The following EEF1G variants were observed in gnomAD, a reference collection of about 807,000 sequenced individuals.
EEF1G encodes elongation factor 1-gamma.
In EEF1G, 14 loss-of-function variants were observed where a neutral mutation model predicts 58.3. That is an observed-to-expected ratio of 0.24 (90% CI 0.16 to 0.38). The LOEUF is 0.38. Ranked by LOEUF, EEF1G falls within the 10% of genes least tolerant of loss-of-function variation. The pLI, the probability that EEF1G is intolerant of heterozygous loss-of-function variation, is 1.00. For synonymous variants in EEF1G, 180 were observed against 206.8 expected (o/e 0.87, Z 1.11); for missense variants, 322 against 550.1 (o/e 0.59, Z 4.15).
chr11:62,573,676 G>A (rs184985530), intron 1 of EEF1G, 155 bp downstream of exon 1: 28 of 1,091,220 alleles, frequency 2.6e-5, no homozygotes, highest in African/African-American at 2.3e-4. Context: ...TTCCCCTCCA[G>A]GCCCTAGGAA....
rs752370840 is a variant in EEF1G at position 62,560,063 on chromosome 11, C to T, written c.1155+6G>A. On this transcript the variant is annotated splice_donor_region_variant and intron_variant, in intron 9 of 9. Transcript: ENST00000329251. ...TAAAGAGACTCCTCTCCTCCACCTT[C>T]CTCACCGGAAAGGCAAGCTCCTGGC... 3.1e-6 allele frequency: 5 copies of T among 1,613,878 alleles called. No homozygotes were observed. The African/African-American group carries it at 6.7e-5, about 22-fold the overall frequency.
rs757383717 is a variant in EEF1G, at chr11:62,571,906, G to A, written c.172-5C>T. 5 of 1,571,984 alleles carry A rather than the reference G, an allele frequency of 3.2e-6. No individual in the cohort carries two copies. Among genetic ancestry groups the A allele is most frequent in the South Asian group, 2.3e-5 (2 of 85,256 alleles). On this transcript the variant is annotated splice_region_variant and splice_polypyrimidine_tract_variant and intron_variant, in intron 2 of 9. Coordinates refer to ENST00000329251, the MANE Select transcript of EEF1G (RefSeq NM_001404.5). ...ATCACCCTCAAATGCTGGGACCTGG[G>A]GACAAAGCAGTGAAAAGATAAGGTA... is the stretch of plus-strand genomic sequence containing the variant.
At chr11:62,566,681 A>C (rs1214820770) in intron 7 of EEF1G, 125 bp downstream of exon 7, 2 of 942,678 alleles carry the variant, frequency 2.1e-6, no homozygotes, top group Admixed American at 5.9e-5. Context: ...TTTGCAACTA[A>C]AATATACCTT....
At chr11:62,567,578 G>A (rs1941571920) in intron 5 of EEF1G, 50 bp from the exon 6 acceptor site, 1 of 1,506,816 alleles carries the variant, frequency 6.6e-7, no homozygotes, top group Non-Finnish European at 8.9e-7. Flanking sequence ...GCCCTGAAGA[G>A]TTCTGTTCAC....
At chr11:62,569,522 T>C (rs1027365993) in intron 5 of EEF1G, among the ~76,000 whole-genome samples, 4 of 152,334 alleles carry the variant, frequency 2.6e-5, no homozygotes, top group African/African-American at 7.2e-5. Flanking sequence ...AAATTAAACT[T>C]AGTGTCTGGT....
At chr11:62,572,387 T>A (rs1262230181) in intron 2 of EEF1G, among the ~76,000 whole-genome samples, 197 bp downstream of exon 2, 1 of 152,238 alleles carries the variant, frequency 6.6e-6, no homozygotes, top group East Asian at 1.9e-4. Flanking sequence ...TCGTGAATTT[T>A]ATAAAGTCAC....
In EEF1G at chr11:62,566,152, G is replaced by A. The variant is rs1273507904; in HGVS notation, c.857+654C>T. Among the ~76,000 whole-genome samples the A allele has an allele frequency of 3.3e-5, 5 of 152,086 alleles. No individual in the cohort carries two copies. The South Asian group carries it at 1.0e-3, about 32-fold the overall frequency. On this transcript the variant is annotated intron_variant, in intron 7 of 9. Transcript: ENST00000329251. ...CCAGAGAACTGGGCAAGCACTCAGC[G>A]TCCTACATTTTTCATGCCAAAAATC... is the stretch of plus-strand genomic sequence containing the variant.
At chr11:62,572,428 C>T (rs1352430297) in intron 2 of EEF1G, among the ~76,000 whole-genome samples, 156 bp downstream of exon 2, 1 of 152,106 alleles carries the variant, frequency 6.6e-6, no homozygotes, top group African/African-American at 2.4e-5. Context: ...TTCACAACTA[C>T]ATGTAAATCT....
chr11:62,568,552 C>CT (rs999402311), intron 5 of EEF1G, among the ~76,000 whole-genome samples: 4 of 151,810 alleles, frequency 2.6e-5, no homozygotes, highest in Non-Finnish European at 4.4e-5. Flanking sequence ...TTTTTCTAAT[C>CT]TTTTTTTTCA....
rs1189463096 is a variant in EEF1G at position 62,559,661 on chromosome 11, G to C, written c.*18C>G. ...CCTGAAGGGCAGGTGCAGGCAGCTAGGTGATGGCAAGAGATGTTCACTTGA... is the reference window on the plus strand; with the variant it reads ...CCTGAAGGGCAGGTGCAGGCAGCTACGTGATGGCAAGAGATGTTCACTTGA... On this transcript the variant is annotated 3_prime_UTR_variant, in exon 10 of 10. Coordinates refer to ENST00000329251, the MANE Select transcript of EEF1G (RefSeq NM_001404.5). 4 of 1,613,198 alleles carry C rather than the reference G, an allele frequency of 2.5e-6. No individual in the cohort carries two copies. Among genetic ancestry groups the C allele is most frequent in the Non-Finnish European group, 2.5e-6 (3 of 1,179,384 alleles).
chr11:62,569,941 T>C lies in EEF1G; in HGVS notation c.522+1024A>G, dbSNP rs557476933. On this transcript the variant is annotated intron_variant, in intron 5 of 9. Coordinates refer to ENST00000329251, the MANE Select transcript of EEF1G (RefSeq NM_001404.5). ...AGTGATTATTACTACCCTGATTTTA[T>C]AGATTGCAAAGAGTAAAAAACAGGA... 3.3e-5 allele frequency among the ~76,000 whole-genome samples: 5 copies of C among 152,278 alleles called. No individual in the cohort carries two copies. In the South Asian group the frequency reaches 6.2e-4, roughly 19 times the overall value.
At chr11:62,572,522 T>C in intron 2 of EEF1G, 62 bp downstream of exon 2, 1 of 1,594,316 alleles carries the variant, frequency 6.3e-7, no homozygotes, top group Non-Finnish European at 8.6e-7. Context: ...ACCACCAGAG[T>C]GACAGAATCG....
rs1377668863 is a variant in EEF1G at position 62,573,771 on chromosome 11, A to C, written c.12+60T>G. The C allele has an allele frequency of 2.5e-6, 4 of 1,612,214 alleles. No individual in the cohort carries two copies. In the African/African-American group the frequency reaches 4.0e-5, roughly 16 times the overall value. On this transcript the variant is annotated intron_variant, in intron 1 of 9. Transcript: ENST00000329251. ...AACTCCTCTGGCGCCGACTGGCCCC[A>C]CTCGGGCAAAGGATGGCGGTGGATA...
Position 62,567,502 on chromosome 11 carries a change from G to T in EEF1G, c.549C>A (p.Ala183=). Residue 183 remains alanine (A), a synonymous_variant, in exon 6 of 10, where the codon GCC becomes GCA. Coordinates refer to ENST00000329251, the MANE Select transcript of EEF1G (RefSeq NM_001404.5). ...GGAACCAGCGGTTGGTATTGGGAAA[G>T]GCCTGGCGGAAAGAAGGCTCTAGAA... ...KQVLEPSFRQ[A]FPNTNRWFLT... 1 of 1,610,172 alleles carries T rather than the reference G, an allele frequency of 6.2e-7. No homozygotes were observed. The highest frequency in any genetic ancestry group is 2.2e-5 in the East Asian group (1 of 44,796).
rs182439249 is a variant in EEF1G at position 62,570,379 on chromosome 11, T to G, written c.522+586A>C. Reference sequence around the variant, plus strand: ...GCCTGGCCTGCCTCCAAAAAGATCTTAATGCTGAAGCTACCATCATCACCT... The same window carrying G: ...GCCTGGCCTGCCTCCAAAAAGATCTGAATGCTGAAGCTACCATCATCACCT... On this transcript the variant is annotated intron_variant, in intron 5 of 9. Coordinates refer to ENST00000329251, the MANE Select transcript of EEF1G (RefSeq NM_001404.5). 2.0e-5 allele frequency among the ~76,000 whole-genome samples: 3 copies of G among 152,254 alleles called. No homozygotes were observed. In the East Asian group the frequency reaches 5.8e-4, roughly 29 times the overall value.
chr11:62,564,357 G>C (rs1941530922), intron 7 of EEF1G, among the ~76,000 whole-genome samples: 1 of 150,746 alleles, frequency 6.6e-6, no homozygotes, highest in African/African-American at 2.4e-5. Flanking sequence ...CCAGCTACTC[G>C]GGAGGCTGAG....
Position 62,571,642 on chromosome 11 carries a change from T to A in EEF1G, c.276A>T (p.Ala92=), listed in dbSNP as rs753548525. The A allele has an allele frequency of 1.3e-6, 2 of 1,586,672 alleles. No homozygotes were observed. The highest frequency in any genetic ancestry group is 1.7e-6 in the Non-Finnish European group (2 of 1,166,720). ...AGCTCACCCACTGCACCACCTGGGC[T>A]GCTGCCTCTGGAGTACTTCCCCGCA... ...EELRGSTPEA[A]AQVVQWVSFA... Residue 92 remains alanine, a synonymous_variant, in exon 4 of 10, where the codon GCA becomes GCT. Coordinates refer to ENST00000329251, the MANE Select transcript of EEF1G (RefSeq NM_001404.5).
At chr11:62,572,006 T>G in intron 2 of EEF1G, 105 bp from the exon 3 acceptor site, 1 of 968,612 alleles carries the variant, frequency 1.0e-6, no homozygotes, top group Non-Finnish European at 1.6e-6. Context: ...GGCTGATGAT[T>G]CTCACTATCC....
At chr11:62,571,157 C>T (rs888592213) in intron 4 of EEF1G, 49 bp from the exon 5 acceptor site, 50 of 1,612,422 alleles carry the variant, frequency 3.1e-5, no homozygotes, top group Non-Finnish European at 4.2e-5. Flanking sequence ...AATCCCTTTC[C>T]CTCACCTCCC....
Sources: gnomAD v4.1 joint callset for allele counts (sites outside exome capture counted in the v4.1 genomes callset) on GRCh38, gnomAD v4.1.1 for gene constraint, MANE v1.5 for transcripts, NCBI Gene and HGNC (gene_info 2026-07-23, HGNC 2026-07-21) for gene names.